TMEM131: variants seen among roughly 807,000 people sequenced by gnomAD.
TMEM131 encodes the protein 2610524E03Rik.
A neutral mutation model predicts 211.6 loss-of-function variants in TMEM131; 66 were observed. The observed-to-expected ratio is 0.31, with a 90% CI of 0.26 to 0.38. The LOEUF is 0.38. TMEM131 is among the 10% of genes least tolerant of loss of function. The probability of loss-of-function intolerance (pLI) is 1.00; values close to 1 mark genes in which losing one functional copy is unlikely to be tolerated. For synonymous variants in TMEM131, 844 were observed against 841.3 expected (o/e 1.00, Z -0.06); for missense variants, 2,036 against 2,299.3 (o/e 0.89, Z 2.34).
intron 1 of TMEM131, among the ~76,000 whole-genome samples, chr2:97,962,295 A>G (rs997044207): frequency 6.6e-6 from 1 of 152,192 alleles, no homozygotes; most frequent in African/African-American, 2.4e-5. Flanking sequence ...CAAGGTCAGG[A>G]GATTGAGACC....
intron 3 of TMEM131, among the ~76,000 whole-genome samples, chr2:97,891,030 AG>A (rs1675355785): frequency 6.6e-6 from 1 of 152,250 alleles, no homozygotes; most frequent in South Asian, 2.1e-4. Context: ...AAGTTGACAC[AG>A]GTACAATCCT....
intron 5 of TMEM131, among the ~76,000 whole-genome samples, chr2:97,851,359 G>GT (rs1237368352): frequency 6.6e-6 from 1 of 152,076 alleles, no homozygotes; most frequent in Non-Finnish European, 1.5e-5. Context: ...TGTCCTTCTA[G>GT]TTGCTCAGGA....
intron 4 of TMEM131, among the ~76,000 whole-genome samples, chr2:97,880,699 G>A (rs1240051441): frequency 6.6e-6 from 1 of 152,142 alleles, no homozygotes; most frequent in East Asian, 1.9e-4. Context: ...CATGGTAAGT[G>A]AGGGGGGATG....
At chr2:97,771,093 C>T (rs1430985798) in intron 33 of TMEM131, among the ~76,000 whole-genome samples, 1 of 152,042 alleles carries the variant, frequency 6.6e-6, no homozygotes, top group Non-Finnish European at 1.5e-5. Context: ...TTTTCTCTCT[C>T]CCCTTCAAAT....
At chr2:97,830,628 T>C (rs1158665148) in intron 11 of TMEM131, among the ~76,000 whole-genome samples, 1 of 152,234 alleles carries the variant, frequency 6.6e-6, no homozygotes, top group Non-Finnish European at 1.5e-5. Flanking sequence ...GATTTGTTAA[T>C]TACCAAGGGA....
rs562585624 is a variant in TMEM131 at position 97,994,181 on chromosome 2, G to A, written c.187+1295C>T. Among the ~76,000 whole-genome samples the A allele has an allele frequency of 1.1e-4, 17 of 152,338 alleles. No individual in the cohort carries two copies. In the East Asian group the frequency reaches 2.1e-3, roughly 19 times the overall value. Reference sequence around the variant, plus strand: ...AGGTGCCACGATCACACATAAGAAAGAACACTCAACTAACTGCAGATCTGT... The same window carrying A: ...AGGTGCCACGATCACACATAAGAAAAAACACTCAACTAACTGCAGATCTGT... On this transcript the variant is annotated intron_variant, in intron 1 of 40. Coordinates refer to ENST00000186436, the MANE Select transcript of TMEM131 (RefSeq NM_015348.2).
chr2:97,978,066 G>A (rs745659041), intron 1 of TMEM131, among the ~76,000 whole-genome samples: 3 of 152,096 alleles, frequency 2.0e-5, no homozygotes, highest in Non-Finnish European at 2.9e-5. Flanking sequence ...CAGCCTGGGT[G>A]ACAGAGCAAG....
chr2:97,963,647 G>T (rs984600267), intron 1 of TMEM131, among the ~76,000 whole-genome samples: 1 of 152,190 alleles, frequency 6.6e-6, no homozygotes, highest in Non-Finnish European at 1.5e-5. Context: ...CCAGGGAGAC[G>T]GAGGTTGCAG....
intron 12 of TMEM131, 44 bp from the exon 13 acceptor site, chr2:97,815,351 C>T: frequency 8.2e-7 from 1 of 1,212,642 alleles, no homozygotes; most frequent in South Asian, 1.6e-5. Flanking sequence ...CTTTTACTAC[C>T]AAAGAGAATT....
At chr2:97,903,005 A>C (rs1675922816) in intron 3 of TMEM131, among the ~76,000 whole-genome samples, 1 of 152,184 alleles carries the variant, frequency 6.6e-6, no homozygotes, top group African/African-American at 2.4e-5. Context: ...AATACTTAAT[A>C]AATTCCCCTT....
At chr2:97,781,876 G>A (rs1001233419) in intron 31 of TMEM131, among the ~76,000 whole-genome samples, 4 of 152,216 alleles carry the variant, frequency 2.6e-5, no homozygotes, top group African/African-American at 9.6e-5. Context: ...AAAGGTGCAG[G>A]AAAGGGGCAG....
intron 31 of TMEM131, among the ~76,000 whole-genome samples, chr2:97,782,826 C>T (rs900572712): frequency 6.6e-6 from 1 of 151,534 alleles, no homozygotes; most frequent in African/African-American, 2.4e-5. Flanking sequence ...TTCAGGGACC[C>T]GTGTAATTAT....
At chr2:97,911,560 GA>G (rs1676294510) in intron 2 of TMEM131, 1 of 925,684 alleles carries the variant, frequency 1.1e-6, no homozygotes, top group Non-Finnish European at 1.3e-6. Context: ...CTTTCTTGAG[GA>G]GAAAAAAATT....
chr2:97,917,226 C>A (rs1179293916), intron 2 of TMEM131, among the ~76,000 whole-genome samples: 1 of 152,146 alleles, frequency 6.6e-6, no homozygotes, highest in Non-Finnish European at 1.5e-5. Context: ...CTACGATGAC[C>A]AAAGTTGAAT....
At chr2:97,945,513 T>C (rs1398129220) in intron 1 of TMEM131, among the ~76,000 whole-genome samples, 1 of 152,204 alleles carries the variant, frequency 6.6e-6, no homozygotes, top group African/African-American at 2.4e-5. Flanking sequence ...TTGTGTTCTA[T>C]TCCCTAAATC....
chr2:97,955,583 G>C (rs1281716863), intron 1 of TMEM131, among the ~76,000 whole-genome samples: 1 of 152,122 alleles, frequency 6.6e-6, no homozygotes, highest in Non-Finnish European at 1.5e-5. Flanking sequence ...TCTAGAATAA[G>C]TAAGTTCAGC....
chr2:97,969,597 T>A (rs1377299831), intron 1 of TMEM131, among the ~76,000 whole-genome samples: 1 of 152,220 alleles, frequency 6.6e-6, no homozygotes, highest in African/African-American at 2.4e-5. Context: ...AGGCTACTAT[T>A]CTAAGGCCTT....
chr2:97,782,437 G>A (rs1311460817), intron 31 of TMEM131, among the ~76,000 whole-genome samples: 1 of 152,162 alleles, frequency 6.6e-6, no homozygotes, highest in Non-Finnish European at 1.5e-5. Context: ...AAATGGTCCA[G>A]GTTTCAATCT....
intron 3 of TMEM131, among the ~76,000 whole-genome samples, chr2:97,894,312 A>T (rs1358012235): frequency 6.6e-6 from 1 of 152,150 alleles, no homozygotes; most frequent in Non-Finnish European, 1.5e-5. Flanking sequence ...GTCAGGTAGC[A>T]TGATGCCTCT....
Sources: gnomAD v4.1 joint callset for allele counts (sites outside exome capture counted in the v4.1 genomes callset) on GRCh38, gnomAD v4.1.1 for gene constraint, MANE v1.5 for transcripts, NCBI Gene and HGNC (gene_info 2026-07-23, HGNC 2026-07-21) for gene names.